Variants in AVEN observed in about 807,000 individuals in gnomAD.
The protein encoded by AVEN is cell death regulator Aven.
Under a neutral mutation model 38.1 loss-of-function variants are expected in AVEN, and 41 were observed. The observed-to-expected ratio is 1.08, with a 90% CI of 0.84 to 1.40. The LOEUF (loss-of-function observed/expected upper bound fraction) is 1.40, where lower values mean the gene tolerates loss of function less well. AVEN is among the 40% of genes most tolerant of loss of function. The probability of loss-of-function intolerance (pLI) is 0.00; values close to 1 mark genes in which losing one functional copy is unlikely to be tolerated. For synonymous variants in AVEN, 206 were observed against 171.8 expected, an observed-to-expected ratio of 1.20 and a Z score of -1.56; for missense variants, 605 against 438.8, an observed-to-expected ratio of 1.38 and a Z score of -3.38.
chr15:33,866,588 G>C lies in AVEN; in HGVS notation c.*25C>G, dbSNP rs1312788045. ...TGCCGTTAGAAGGCAACCAAGATTT[G>C]CTTCAGGCACTTTTTTTCCCCTTTT... On this transcript the variant is annotated 3_prime_UTR_variant, in exon 6 of 6. Transcript: ENST00000306730. 5 of 1,583,794 alleles carry C rather than the reference G, an allele frequency of 3.2e-6. No homozygotes were observed. Among genetic ancestry groups the C allele is most frequent in the East Asian group, 2.2e-5 (1 of 44,726 alleles).
Position 33,866,687 on chromosome 15 carries a change from G to C in AVEN, c.1015C>G (p.Pro339Ala), listed in dbSNP as rs147679813. 359 of 1,613,934 alleles carry C rather than the reference G, an allele frequency of 2.2e-4. 1 individual carries two copies. In the African/African-American group the frequency reaches 4.3e-3, roughly 19 times the overall value. ...TTTTTGGAGGTACTTGGTTGCTCAG[G>C]TTCCATGTTTTTTTCTTCAGTCACA... ...PSVTEEKNME[P>A]EQPSTSKNVT... Residue 339 changes from proline (P) to alanine (A), a missense_variant, in exon 6 of 6, where the codon CCT becomes GCT. Physicochemically the swap from Pro to Ala is conservative, Grantham distance 27 (BLOSUM62 -1). Transcript: ENST00000306730.
chr15:33,890,545 C>T (rs1259669494), intron 2 of AVEN, among the ~76,000 whole-genome samples: 2 of 151,862 alleles, frequency 1.3e-5, no homozygotes, highest in East Asian at 3.9e-4. Flanking sequence ...ATGAAGCTTG[C>T]CAAAAGTATA....
chr15:34,070,587 C>A (rs77992159), intron 2 of AVEN, among the ~76,000 whole-genome samples: 3,163 of 152,076 alleles, frequency 0.021, 85 homozygotes, highest in African/African-American at 0.051. Context: ...TAAATGGGTA[C>A]CTTTATGAAG....
chr15:34,074,146 C>T (rs1029151679), intron 1 of AVEN, among the ~76,000 whole-genome samples: 5 of 150,878 alleles, frequency 3.3e-5, no homozygotes, highest in Admixed American at 3.3e-4. Context: ...CACAGGTGCA[C>T]GCCACCACAC....
rs1438190483 is a variant in AVEN, at chr15:33,866,323, G to C, written c.*290C>G. 5 of 417,320 alleles carry C rather than the reference G, an allele frequency of 1.2e-5. No individual in the cohort carries two copies. The highest frequency in any genetic ancestry group is 6.6e-4 in the Middle Eastern group (1 of 1,518). 25.9% of individuals were successfully genotyped at this position (417,320 alleles called of 1,614,324 possible). On this transcript the variant is annotated 3_prime_UTR_variant, in exon 6 of 6. Transcript: ENST00000306730. ...AGCATCTGCTATGCTGTAAACACTG[G>C]CTATGTTGTAAACACTGCAAGGAAG...
chr15:33,865,215 C>G (rs1480948127), downstream of AVEN: 1 of 1,612,442 alleles, frequency 6.2e-7, no homozygotes, highest in South Asian at 1.1e-5. Flanking sequence ...ATATGAAGAT[C>G]AGCTTGGATA....
At chr15:34,043,892 T>G (rs1367265740), upstream of AVEN, among the ~76,000 whole-genome samples, 5 of 152,130 alleles carry the variant, frequency 3.3e-5, no homozygotes, top group East Asian at 1.9e-4. Context: ...TTGTCTGCCT[T>G]CCTTCCTGTT....
intron 2 of AVEN, among the ~76,000 whole-genome samples, chr15:34,069,351 C>T (rs187376882): frequency 7.9e-5 from 12 of 152,208 alleles, no homozygotes; most frequent in African/African-American, 2.4e-4. Flanking sequence ...ACCTGGGAGG[C>T]TGAGGCAGGA....
At chr15:33,865,451 G>A (rs900459107), downstream of AVEN, 19 of 487,472 alleles carry the variant, frequency 3.9e-5, no homozygotes, top group South Asian at 9.8e-5. Flanking sequence ...GAAGGAAGGC[G>A]AAGAATCAAG....
intron 2 of AVEN, among the ~76,000 whole-genome samples, chr15:33,886,600 T>C (rs1364020494): frequency 1.3e-5 from 2 of 152,196 alleles, no homozygotes; most frequent in East Asian, 3.9e-4. Flanking sequence ...GCTTCCCCCT[T>C]CACTCAGCTC....
At chr15:34,050,068 A>G (rs1387144051) in intron 5 of AVEN, among the ~76,000 whole-genome samples, 1 of 151,936 alleles carries the variant, frequency 6.6e-6, no homozygotes, top group Non-Finnish European at 1.5e-5. Context: ...TTGTATTTTT[A>G]GTAGAGATGG....
intron 2 of AVEN, among the ~76,000 whole-genome samples, chr15:33,931,426 A>G (rs1225833486): frequency 2.4e-5 from 3 of 125,282 alleles, no homozygotes; most frequent in African/African-American, 9.4e-5. Flanking sequence ...GCTGGAGTGC[A>G]GTGGCACAAT....
intron 2 of AVEN, among the ~76,000 whole-genome samples, chr15:34,001,518 T>C (rs1251715613): frequency 1.3e-5 from 2 of 152,178 alleles, no homozygotes; most frequent in Admixed American, 1.3e-4. Flanking sequence ...AGCTCATATT[T>C]TACCTTCATT....
intron 2 of AVEN, among the ~76,000 whole-genome samples, chr15:33,993,507 T>C (rs1318306580): frequency 6.6e-6 from 1 of 152,204 alleles, no homozygotes; most frequent in Non-Finnish European, 1.5e-5. Flanking sequence ...TGGAAAGGGC[T>C]GCCTCTCCAA....
intron 2 of AVEN, among the ~76,000 whole-genome samples, chr15:33,971,521 T>C (rs1895637555): frequency 6.6e-6 from 1 of 152,050 alleles, no homozygotes; most frequent in Non-Finnish European, 1.5e-5. Context: ...TATGTTGACA[T>C]AACAATCTTA....
At chr15:34,003,241 G>A (rs1232049315) in intron 1 of AVEN, 32 bp from the exon 2 acceptor site, 1 of 1,606,748 alleles carries the variant, frequency 6.2e-7, no homozygotes, top group East Asian at 2.2e-5. Flanking sequence ...CAATAAGTAA[G>A]CAGTGGAAAT....
chr15:34,050,080 G>T (rs1260568122), intron 5 of AVEN, among the ~76,000 whole-genome samples: 4 of 151,766 alleles, frequency 2.6e-5, no homozygotes, highest in African/African-American at 9.7e-5. Context: ...TAGAGATGGG[G>T]TTTCACCTTG....
At chr15:34,036,560 T>C (rs993807108) in intron 1 of AVEN, among the ~76,000 whole-genome samples, 2 of 152,192 alleles carry the variant, frequency 1.3e-5, no homozygotes, top group Middle Eastern at 3.4e-3. Flanking sequence ...GCACCAAAAA[T>C]GGTGTCCTAG....
At chr15:34,034,446 T>TAA (rs34205777) in intron 1 of AVEN, among the ~76,000 whole-genome samples, 160 of 143,754 alleles carry the variant, frequency 1.1e-3, no homozygotes, top group East Asian at 4.4e-3. Context: ...GTTTCTTTTT[T>TAA]AAAAAAAAAA....
Sources: gnomAD v4.1 joint callset for allele counts (sites outside exome capture counted in the v4.1 genomes callset) on GRCh38, gnomAD v4.1.1 for gene constraint, MANE v1.5 for transcripts, NCBI Gene and HGNC (gene_info 2026-07-23, HGNC 2026-07-21) for gene names.